GPRC6A: variants seen among roughly 807,000 people sequenced by gnomAD.
GPRC6A encodes G protein-coupled receptor family C group 6 member A.
Under a neutral mutation model 47.0 loss-of-function variants are expected in GPRC6A, and 54 were observed. The ratio of observed to expected loss-of-function variants is 1.15; its 90% CI spans 0.92 to 1.44. The LOEUF is 1.44. Among genes scored for constraint, GPRC6A ranks in the 40% most tolerant of loss-of-function variants. The probability of loss-of-function intolerance (pLI) is 0.00; values close to 1 mark genes in which losing one functional copy is unlikely to be tolerated. For synonymous variants in GPRC6A, 347 were observed against 377.1 expected (o/e 0.92, Z 0.93); for missense variants, 1,112 against 1,105.5 (o/e 1.01, Z -0.08).
At position 116,806,833 on chromosome 6, in the gene GPRC6A, A is replaced by T; in HGVS notation, c.872T>A (p.Ile291Asn). Residue 291 changes from isoleucine (I) to asparagine (N), a missense_variant, in exon 3 of 6, where the codon ATT (isoleucine) becomes AAT (asparagine). Coordinates refer to ENST00000310357, the MANE Select transcript of GPRC6A (RefSeq NM_148963.4). Reference sequence around the variant, plus strand: ...CCACATCTTATTTATATTCATTTCAATGGCTTTATTGAAGAGATCAAAAAC... The same window carrying T: ...CCACATCTTATTTATATTCATTTCATTGGCTTTATTGAAGAGATCAAAAAC... ...FHVFDLFNKA[I>N]EMNINKMWIA... The T allele has an allele frequency of 6.2e-7, 1 of 1,613,476 alleles. No homozygotes were observed.
At chr6:116,817,500 G>A (rs529953557) in intron 1 of GPRC6A, among the ~76,000 whole-genome samples, 50 of 152,312 alleles carry the variant, frequency 3.3e-4, no homozygotes, top group African/African-American at 9.1e-4. Context: ...CCAAAGGAAC[G>A]CAGTTCCTCA....
chr6:116,793,411 CAAA>C (rs960856594), intron 5 of GPRC6A, among the ~76,000 whole-genome samples, 161 bp from the exon 6 acceptor site: 20 of 150,090 alleles, frequency 1.3e-4, no homozygotes, highest in African/African-American at 4.7e-4. Flanking sequence ...TGCTAAAACT[CAAA>C]GAAAGTGAGA....
chr6:116,805,346 T>A (rs1042395672), intron 3 of GPRC6A, among the ~76,000 whole-genome samples: 2 of 151,866 alleles, frequency 1.3e-5, no homozygotes, highest in Non-Finnish European at 1.5e-5. Context: ...AATATGGTAG[T>A]TTTGGGTGTT....
chr6:116,825,859 A>T (rs1454293244), intron 1 of GPRC6A, among the ~76,000 whole-genome samples: 1 of 151,988 alleles, frequency 6.6e-6, no homozygotes, highest in African/African-American at 2.4e-5. Context: ...TACATAGATC[A>T]TGGGAAACAG....
intron 4 of GPRC6A, among the ~76,000 whole-genome samples, chr6:116,797,373 A>C (rs1352786959): frequency 6.6e-6 from 1 of 152,088 alleles, no homozygotes; most frequent in African/African-American, 2.4e-5. Context: ...ATCTTGTACT[A>C]ATTACTTTAG....
chr6:116,816,589 A>G (rs1773215724), intron 1 of GPRC6A, among the ~76,000 whole-genome samples: 1 of 152,238 alleles, frequency 6.6e-6, no homozygotes, highest in Non-Finnish European at 1.5e-5. Flanking sequence ...TGAGCGACGC[A>G]GAAGACGGGT....
chr6:116,814,857 T>A (rs1773154392), intron 1 of GPRC6A, among the ~76,000 whole-genome samples: 1 of 152,054 alleles, frequency 6.6e-6, no homozygotes, highest in Middle Eastern at 3.4e-3. Flanking sequence ...TAAAAGCACA[T>A]ATAGACTGAA....
At chr6:116,798,315 A>G (rs1772551422) in intron 4 of GPRC6A, among the ~76,000 whole-genome samples, 1 of 152,194 alleles carries the variant, frequency 6.6e-6, no homozygotes, top group African/African-American at 2.4e-5. Flanking sequence ...AACCACATGA[A>G]CATCAGAGAA....
At chr6:116,800,862 T>C (rs1008312602) in intron 3 of GPRC6A, 66 bp from the exon 4 acceptor site, 2 of 886,642 alleles carry the variant, frequency 2.3e-6, no homozygotes, top group Non-Finnish European at 3.6e-6. Context: ...ATTATTCTAA[T>C]GATAACACTG....
At chr6:116,816,384 C>T (rs1251399055) in intron 1 of GPRC6A, among the ~76,000 whole-genome samples, 1 of 152,370 alleles carries the variant, frequency 6.6e-6, no homozygotes, top group East Asian at 1.9e-4. Context: ...GCAGCGCAAT[C>T]ATTACATCTT....
chr6:116,811,784 C>G (rs1478154805), intron 1 of GPRC6A, among the ~76,000 whole-genome samples: 1 of 151,248 alleles, frequency 6.6e-6, no homozygotes, highest in Non-Finnish European at 1.5e-5. Context: ...AACCTGAAGA[C>G]AGTTCAGGTT....
chr6:116,802,918 T>A (rs1414625921), intron 3 of GPRC6A, among the ~76,000 whole-genome samples: 2 of 152,132 alleles, frequency 1.3e-5, no homozygotes, highest in African/African-American at 4.8e-5. Context: ...GTTTTAAAAA[T>A]TATTAGTTAC....
Position 116,792,618 on chromosome 6 carries a change from A to G in GPRC6A, c.2305T>C (p.Phe769Leu), listed in dbSNP as rs1215153740. ...TTCTCATATTTGCCTTTGAAAGCAA[A>G]TATGAAGCAAATGAAGGCCAGGATG... is the stretch of plus-strand genomic sequence containing the variant. ...IAILAFICFI[F>L]AFKGKYENYN... The change falls in exon 6 of 6, where the codon TTT becomes CTT. Residue 769 changes from phenylalanine to leucine, a missense_variant. Physicochemically the swap from Phe to Leu is conservative, Grantham distance 22. Coordinates refer to ENST00000310357, the MANE Select transcript of GPRC6A (RefSeq NM_148963.4). 1 of 1,613,424 alleles carries G rather than the reference A, an allele frequency of 6.2e-7. No homozygotes were observed. Among genetic ancestry groups the G allele is most frequent in the Non-Finnish European group, 8.5e-7 (1 of 1,179,590 alleles).
At chr6:116,812,544 C>T (rs751812409) in intron 1 of GPRC6A, among the ~76,000 whole-genome samples, 15 of 152,054 alleles carry the variant, frequency 9.9e-5, no homozygotes, top group Admixed American at 1.3e-4. Flanking sequence ...ATAAAACAAA[C>T]GGTAAGCAAG....
rs1461429700 is a variant in GPRC6A, at chr6:116,807,202, C to A, written c.503G>T (p.Gly168Val). The change falls in exon 3 of 6, where the codon GGT (glycine) becomes GTT (valine). Residue 168 changes from glycine to valine, a missense_variant. Gly to Val is a moderately radical substitution (Grantham distance 109). Coordinates refer to ENST00000310357, the MANE Select transcript of GPRC6A (RefSeq NM_148963.4). ...CAGGATTTCTGCAGTTGATTCATAA[C>A]CCACCTGGAAATAGACAGAATATTT... ...MLNLQLMPQV[G>V]YESTAEILSD... The A allele has an allele frequency of 6.3e-7, 1 of 1,597,188 alleles. No homozygotes were observed. Among genetic ancestry groups the A allele is most frequent in the Non-Finnish European group, 8.6e-7 (1 of 1,166,356 alleles).
At position 116,792,119 on chromosome 6, in the gene GPRC6A, A is replaced by C; in HGVS notation, c.*23T>G. On this transcript the variant is annotated 3_prime_UTR_variant, in exon 6 of 6. Coordinates refer to ENST00000310357, the MANE Select transcript of GPRC6A (RefSeq NM_148963.4). The stretch of plus-strand genomic sequence containing the variant: ...GACCCTGGAAACATTTTATTCTGGA[A>C]TGTGGCATCTCCTAAGGCTTATTCA... 1 of 1,569,374 alleles carries C rather than the reference A, an allele frequency of 6.4e-7. No homozygotes were observed. Among genetic ancestry groups the C allele is most frequent in the Non-Finnish European group, 8.7e-7 (1 of 1,154,242 alleles).
intron 4 of GPRC6A, 30 bp downstream of exon 4, chr6:116,800,550 TTGAG>T (rs1562479806): frequency 1.4e-6 from 2 of 1,416,170 alleles, no homozygotes; most frequent in Admixed American, 3.3e-5. Flanking sequence ...ACCAATTGCT[TTGAG>T]TGCTACAAAA....
chr6:116,829,062 G>A lies in GPRC6A; in HGVS notation c.-49C>T. The A allele has an allele frequency of 6.4e-7, 1 of 1,552,252 alleles. No individual in the cohort carries two copies. The highest frequency in any genetic ancestry group is 8.7e-7 in the Non-Finnish European group (1 of 1,150,528). On this transcript the variant is annotated 5_prime_UTR_variant, in exon 1 of 6. Coordinates refer to ENST00000310357, the MANE Select transcript of GPRC6A (RefSeq NM_148963.4). ...CATGTGAGTTCTTAGGAATCATTAA[G>A]TGCACGGAGTGCCAGCAAGATTCCT... is the stretch of plus-strand genomic sequence containing the variant.
chr6:116,807,207 C>G lies in GPRC6A; in HGVS notation c.499-1G>C, dbSNP rs377035978. On this transcript the variant is annotated splice_acceptor_variant, in intron 2 of 5. Coordinates refer to ENST00000310357, the MANE Select transcript of GPRC6A (RefSeq NM_148963.4). LOFTEE classifies it high-confidence loss of function. ...TTTCTGCAGTTGATTCATAACCCAC[C>G]TGGAAATAGACAGAATATTTTAGTT... 2.1e-5 allele frequency: 34 copies of G among 1,582,900 alleles called. No individual in the cohort carries two copies. In the Admixed American group the frequency reaches 5.7e-4, roughly 27 times the overall value.
Sources: gnomAD v4.1 joint callset for allele counts (sites outside exome capture counted in the v4.1 genomes callset) on GRCh38, gnomAD v4.1.1 for gene constraint, MANE v1.5 for transcripts, NCBI Gene and HGNC (gene_info 2026-07-23, HGNC 2026-07-21) for gene names.